Variants in MTMR3 observed in about 807,000 individuals in gnomAD.
MTMR3 encodes the protein myotubularin related protein 3.
A neutral mutation model predicts 132.4 loss-of-function variants in MTMR3; 32 were observed. That is an observed-to-expected ratio of 0.24 (90% CI 0.18 to 0.32). The LOEUF (loss-of-function observed/expected upper bound fraction) is 0.32, where lower values mean the gene tolerates loss of function less well. MTMR3 is among the 10% of genes least tolerant of loss of function. MTMR3 has a pLI of 1.00. For missense variants in MTMR3, 1,216 were observed against 1,489.6 expected (o/e 0.82, Z 3.02); for synonymous variants, 556 against 550.3 (o/e 1.01, Z -0.14).
intron 1 of MTMR3, among the ~76,000 whole-genome samples, chr22:29,942,925 C>T (rs572515650): frequency 7.2e-5 from 11 of 152,076 alleles, no homozygotes; most frequent in Admixed American, 1.3e-4. Context: ...CCTCAGCTTA[C>T]GAAGATGACA....
chr22:30,009,341 A>G, intron 12 of MTMR3: 1 of 518,388 alleles, frequency 1.9e-6, no homozygotes, highest in Non-Finnish European at 3.4e-6. Flanking sequence ...GTTGGGAGAA[A>G]ATACAGCCAT....
chr22:30,012,176 T>A, intron 12 of MTMR3, 192 bp from the exon 13 acceptor site: 1 of 565,296 alleles, frequency 1.8e-6, no homozygotes, highest in Non-Finnish European at 3.0e-6. Context: ...CTAAGGCTCT[T>A]CTCTATTGTA....
At position 30,004,714 on chromosome 22, in the gene MTMR3, T is replaced by A. The variant is rs1417308079; in HGVS notation, c.671+1721T>A. Reference sequence around the variant, plus strand: ...TCTCAGAACATGTGTCTTGTATCGCTGAGATGCAGACTGGGTTGCTGTAGT... The same window carrying A: ...TCTCAGAACATGTGTCTTGTATCGCAGAGATGCAGACTGGGTTGCTGTAGT... On this transcript the variant is annotated intron_variant, in intron 9 of 19. Transcript: ENST00000401950. The A allele has an allele frequency of 2.0e-5, 3 of 152,228 alleles. 1 individual carries two copies. The allele number at this position is 152,228 out of a possible 1,614,324, so 9.4% of individuals were successfully genotyped here.
Position 30,029,837 on chromosome 22 carries a change from T to C in MTMR3, c.*4036T>C, listed in dbSNP as rs1354300736. ...GATAATGTGGCAGGAGTCCCAGCTG[T>C]TTAATTTCTAGTCACATTTTCCAGA... On this transcript the variant is annotated 3_prime_UTR_variant, in exon 20 of 20. Coordinates refer to ENST00000401950, the MANE Select transcript of MTMR3 (RefSeq NM_021090.4). 3.9e-5 allele frequency: 6 copies of C among 152,352 alleles called. No homozygotes were observed. The highest frequency in any genetic ancestry group is 8.8e-5 in the Non-Finnish European group (6 of 68,040). The allele number at this position is 152,352 out of a possible 1,614,324, so 9.4% of individuals were successfully genotyped here.
chr22:29,981,361 A>T (rs1168331115), intron 5 of MTMR3: 1 of 152,228 alleles, frequency 6.6e-6, no homozygotes, highest in African/African-American at 2.4e-5. Context: ...ATTGTCTCTA[A>T]GGATAGCTGT....
chr22:29,945,557 T>C (rs1168148904), intron 1 of MTMR3, among the ~76,000 whole-genome samples: 1 of 151,268 alleles, frequency 6.6e-6, no homozygotes, highest in Non-Finnish European at 1.5e-5. Flanking sequence ...AAAAAAAATG[T>C]AGCCAGGCAT....
intron 19 of MTMR3, 77 bp from the exon 20 acceptor site, chr22:30,025,552 GT>G: frequency 6.7e-7 from 1 of 1,485,322 alleles, no homozygotes; most frequent in Non-Finnish European, 9.4e-7. Flanking sequence ...ACACGGCAAA[GT>G]TTGTCTTTTG....
At chr22:29,908,033 G>A (rs2065137139) in intron 1 of MTMR3, among the ~76,000 whole-genome samples, 1 of 152,196 alleles carries the variant, frequency 6.6e-6, no homozygotes, top group Admixed American at 6.5e-5. Flanking sequence ...ATCTAGATGA[G>A]ATCTTGCTTG....
In MTMR3 at chr22:30,030,644, G is replaced by GT. The variant is rs2067997373; in HGVS notation, c.*4843_*4844insT. 4 of 105,260 alleles carry GT rather than the reference G, an allele frequency of 3.8e-5. No individual in the cohort carries two copies. Among genetic ancestry groups the GT allele is most frequent in the Admixed American group, 1.1e-4 (1 of 9,372 alleles). The allele number at this position is 105,260 out of a possible 1,614,324, so 6.5% of individuals were successfully genotyped here. A position where few individuals can be genotyped will look rare whatever the true frequency, so the allele number is the denominator to read the frequency against. Reference sequence around the variant, plus strand: ...GCTCTCAGCGAGGAGGGGGCGGGGGGGGGGTCACTATTTATCTTCCAGAGG... The same window carrying GT: ...GCTCTCAGCGAGGAGGGGGCGGGGGGTGGGGTCACTATTTATCTTCCAGAGG... On this transcript the variant is annotated 3_prime_UTR_variant, in exon 20 of 20. Transcript: ENST00000401950.
chr22:29,912,297 TGAA>T (rs2065229090), intron 1 of MTMR3, among the ~76,000 whole-genome samples: 1 of 152,204 alleles, frequency 6.6e-6, no homozygotes, highest in Admixed American at 6.6e-5. Flanking sequence ...AATGAATGAA[TGAA>T]GAAATGAATG....
At chr22:29,931,728 TA>T (rs1291385985) in intron 1 of MTMR3, among the ~76,000 whole-genome samples, 1 of 150,766 alleles carries the variant, frequency 6.6e-6, no homozygotes, top group Non-Finnish European at 1.5e-5. Flanking sequence ...AGCTATGTTT[TA>T]AAAAAATAAT....
intron 1 of MTMR3, among the ~76,000 whole-genome samples, chr22:29,939,010 C>CG (rs1425183680): frequency 6.6e-6 from 1 of 151,712 alleles, no homozygotes; most frequent in Non-Finnish European, 1.5e-5. Context: ...TTAGTAGAGG[C>CG]GGGGTTTCAC....
At chr22:29,917,475 C>T (rs184271141) in intron 1 of MTMR3, among the ~76,000 whole-genome samples, 147 of 152,236 alleles carry the variant, frequency 9.7e-4, no homozygotes, top group Middle Eastern at 6.8e-3. Context: ...AGGGAGAACG[C>T]GTCTCTTAAA....
At chr22:29,884,161 T>C (rs546685074) in intron 1 of MTMR3, among the ~76,000 whole-genome samples, 55 of 152,332 alleles carry the variant, frequency 3.6e-4, no homozygotes, top group Admixed American at 2.3e-3. Flanking sequence ...CATGGACTGC[T>C]ATTACATATT....
Position 30,007,104 on chromosome 22 carries a change from C to T in MTMR3, c.672-10C>T. 6.2e-7 allele frequency: 1 copy of T among 1,613,104 alleles called. No homozygotes were observed. Among genetic ancestry groups the T allele is most frequent in the Non-Finnish European group, 8.5e-7 (1 of 1,179,860 alleles). The stretch of plus-strand genomic sequence containing the variant: ...ATGGGTACAGTTGTTGTCTCTTGTT[C>T]CTCACACAGGCACCAGAGCAATGGA... On this transcript the variant is annotated splice_polypyrimidine_tract_variant and intron_variant, in intron 9 of 19. Coordinates refer to ENST00000401950, the MANE Select transcript of MTMR3 (RefSeq NM_021090.4).
At chr22:29,956,697 G>A (rs1372622430) in intron 1 of MTMR3, among the ~76,000 whole-genome samples, 1 of 152,254 alleles carries the variant, frequency 6.6e-6, no homozygotes, top group Admixed American at 6.5e-5. Flanking sequence ...TAAAGTACCT[G>A]TTCCTGTATT....
At chr22:29,927,289 A>G (rs1308731773) in intron 1 of MTMR3, among the ~76,000 whole-genome samples, 1 of 152,170 alleles carries the variant, frequency 6.6e-6, no homozygotes, top group Non-Finnish European at 1.5e-5. Context: ...GAGAAGTGTG[A>G]GTTATTCAGC....
intron 1 of MTMR3, among the ~76,000 whole-genome samples, chr22:29,915,720 G>A (rs1180881248): frequency 6.6e-6 from 1 of 152,158 alleles, no homozygotes; most frequent in Non-Finnish European, 1.5e-5. Flanking sequence ...CACTGCGCCC[G>A]GCTGACAGTC....
chr22:29,946,130 A>G (rs953323602), intron 1 of MTMR3, among the ~76,000 whole-genome samples: 1 of 152,196 alleles, frequency 6.6e-6, no homozygotes, highest in Admixed American at 6.5e-5. Flanking sequence ...TGCAATGGAA[A>G]GATGAGAATT....
Sources: gnomAD v4.1 joint callset for allele counts (sites outside exome capture counted in the v4.1 genomes callset) on GRCh38, gnomAD v4.1.1 for gene constraint, MANE v1.5 for transcripts, NCBI Gene and HGNC (gene_info 2026-07-23, HGNC 2026-07-21) for gene names.